NECTIN3: variants seen among roughly 807,000 people sequenced by gnomAD.
NECTIN3 encodes the protein nectin cell adhesion molecule 3, also known as nectin-3.
In NECTIN3, 8 loss-of-function variants were observed where a neutral mutation model predicts 49.4. The observed-to-expected ratio is 0.16, with a 90% CI of 0.10 to 0.29. The LOEUF (loss-of-function observed/expected upper bound fraction) is 0.29, where lower values mean the gene tolerates loss of function less well. Among genes scored for constraint, NECTIN3 ranks in the 10% least tolerant of loss-of-function variants. NECTIN3 has a pLI of 1.00. For synonymous variants in NECTIN3, 277 were observed against 241.1 expected, an observed-to-expected ratio of 1.15 and a Z score of -1.38; for missense variants, 581 against 654.6, an observed-to-expected ratio of 0.89 and a Z score of 1.23.
intron 1 of NECTIN3, among the ~76,000 whole-genome samples, chr3:111,081,507 A>T (rs2031604468): frequency 6.6e-6 from 1 of 152,192 alleles, no homozygotes; most frequent in Non-Finnish European, 1.5e-5. Flanking sequence ...AAATTGGCTA[A>T]ATAATACTTT....
intron 7 of NECTIN3, among the ~76,000 whole-genome samples, chr3:111,165,042 TTTTA>T (rs988705744): frequency 9.9e-5 from 15 of 152,156 alleles, no homozygotes; most frequent in South Asian, 6.2e-4. Context: ...TTTTTTTATT[TTTTA>T]TTTATTTATT....
chr3:111,125,387 CTTAT>C (rs958518426), intron 4 of NECTIN3, among the ~76,000 whole-genome samples: 2 of 152,024 alleles, frequency 1.3e-5, no homozygotes, highest in African/African-American at 4.8e-5. Context: ...TTTAAAAACA[CTTAT>C]TTGTTGTTTT....
intron 1 of NECTIN3, among the ~76,000 whole-genome samples, chr3:111,076,141 CTATT>C (rs1332912559): frequency 2.0e-5 from 3 of 152,074 alleles, no homozygotes; most frequent in Admixed American, 2.0e-4. Flanking sequence ...ATACTTTCAT[CTATT>C]TACAATTTAG....
intron 7 of NECTIN3, among the ~76,000 whole-genome samples, chr3:111,187,272 G>A (rs1049632745): frequency 2.6e-5 from 4 of 152,156 alleles, no homozygotes; most frequent in Non-Finnish European, 4.4e-5. Flanking sequence ...GCATGGTGGT[G>A]TGTGCCTGTA....
chr3:111,159,356 A>G (rs1169925963), intron 7 of NECTIN3, among the ~76,000 whole-genome samples: 1 of 152,204 alleles, frequency 6.6e-6, no homozygotes, highest in Non-Finnish European at 1.5e-5. Context: ...TTGGCTCACA[A>G]AAAGTGACTC....
intron 1 of NECTIN3, among the ~76,000 whole-genome samples, chr3:111,088,548 A>AT (rs960795730): frequency 6.6e-6 from 1 of 151,862 alleles, no homozygotes; most frequent in Non-Finnish European, 1.5e-5. Context: ...TGAGGATATG[A>AT]TTTTTTCCCC....
rs2034517655 is a variant in NECTIN3, at chr3:111,134,705, C to CAAA, written c.*494_*496dup. On this transcript the variant is annotated 3_prime_UTR_variant, in exon 6 of 6. Coordinates refer to ENST00000485303, the MANE Select transcript of NECTIN3 (RefSeq NM_015480.3). ...ATATTTATATATATTTTTTAATATACAAAAAATATTTAGCCTGATGGAATG... is the reference window on the plus strand; with the variant it reads ...ATATTTATATATATTTTTTAATATACAAAAAAAAATATTTAGCCTGATGGAATG... 1 of 866,780 alleles carries CAAA rather than the reference C, an allele frequency of 1.2e-6. No homozygotes were observed. The highest frequency in any genetic ancestry group is 1.4e-6 in the Non-Finnish European group (1 of 722,522). The allele number at this position is 866,780 out of a possible 1,614,324, so 53.7% of individuals were successfully genotyped here. A position where few individuals can be genotyped will look rare whatever the true frequency, so the allele number is the denominator to read the frequency against.
intron 7 of NECTIN3, among the ~76,000 whole-genome samples, chr3:111,183,577 G>C (rs2035666378): frequency 6.6e-6 from 1 of 151,998 alleles, no homozygotes. Context: ...GCCTCCCAAA[G>C]TGCTGGGATT....
At chr3:111,084,222 G>A (rs534557660) in intron 1 of NECTIN3, among the ~76,000 whole-genome samples, 2 of 151,466 alleles carry the variant, frequency 1.3e-5, no homozygotes, top group East Asian at 1.9e-4. Flanking sequence ...GTTCTTTAGC[G>A]ATATAAGTGA....
intron 7 of NECTIN3, among the ~76,000 whole-genome samples, chr3:111,166,806 T>C (rs2035327065): frequency 6.6e-6 from 1 of 152,226 alleles, no homozygotes; most frequent in Non-Finnish European, 1.5e-5. Flanking sequence ...TAGTAATCTT[T>C]CTGTTTAGAA....
intron 1 of NECTIN3, among the ~76,000 whole-genome samples, chr3:111,105,468 A>G (rs1398018172): frequency 2.6e-5 from 4 of 152,114 alleles, no homozygotes; most frequent in African/African-American, 4.8e-5. Context: ...CTACGTAGCA[A>G]TGTTTTACAT....
rs780614311 is a variant in NECTIN3 at position 111,133,777 on chromosome 3, G to C, written c.1212G>C (p.Thr404=). The C allele has an allele frequency of 4.3e-6, 7 of 1,613,920 alleles. 1 individual carries two copies. The South Asian group carries it at 4.4e-5, about 10-fold the overall frequency. The change falls in exon 6 of 6, where the codon ACG becomes ACC. Residue 404 remains threonine, a synonymous_variant. Transcript: ENST00000485303. ...CAATTAAGGATGACACAATTGCCAC[G>C]ATCATTGCTAGTGTAGTGGGTGGGG... ...LATIKDDTIA[T]IIASVVGGAL...
chr3:111,133,860 G>A lies in NECTIN3; in HGVS notation c.1295G>A (p.Arg432Gln), dbSNP rs15611. Residue 432 changes from arginine (R) to glutamine (Q), a missense_variant, in exon 6 of 6, where the codon CGG becomes CAG. This residue lies in a region of NECTIN3 where 238 missense variants were observed against 244.9 expected (regional missense o/e 0.97). Coordinates refer to ENST00000485303, the MANE Select transcript of NECTIN3 (RefSeq NM_015480.3). ...GGAATATTCTGCTATAGGAGAAGAC[G>A]GACGTTTCGTGGAGACTACTTTGCC... ...LAGIFCYRRR[R>Q]TFRGDYFAKN... 9 of 1,613,798 alleles carry A rather than the reference G, an allele frequency of 5.6e-6. No homozygotes were observed. The highest frequency in any genetic ancestry group is 4.5e-5 in the East Asian group (2 of 44,878).
Position 111,136,125 on chromosome 3 carries a change from A to G in NECTIN3, c.*1910A>G. 1 of 983,982 alleles carries G rather than the reference A, an allele frequency of 1.0e-6. No homozygotes were observed. Among genetic ancestry groups the G allele is most frequent in the Non-Finnish European group, 1.2e-6 (1 of 828,786 alleles). 61.0% of individuals were successfully genotyped at this position (983,982 alleles called of 1,614,324 possible). A position where few individuals can be genotyped will look rare whatever the true frequency, so the allele number is the denominator to read the frequency against. ...TGGGTCTAAAATTTCTCCCCATGAA[A>G]GATGTAAAACTATGGCTTTTTTTAA... On this transcript the variant is annotated 3_prime_UTR_variant, in exon 6 of 6. Coordinates refer to ENST00000485303, the MANE Select transcript of NECTIN3 (RefSeq NM_015480.3).
intron 7 of NECTIN3, among the ~76,000 whole-genome samples, chr3:111,184,099 C>G (rs2035676864): frequency 6.6e-6 from 1 of 151,738 alleles, no homozygotes; most frequent in African/African-American, 2.4e-5. Context: ...GTGATTTTTT[C>G]TTCTTCAGTG....
chr3:111,072,576 C>G, intron 1 of NECTIN3: 1 of 1,535,278 alleles, frequency 6.5e-7, no homozygotes, highest in Non-Finnish European at 8.7e-7. Flanking sequence ...GCTGTGAGCC[C>G]AGAAACCCTA....
chr3:111,080,506 T>C (rs916564568), intron 1 of NECTIN3, among the ~76,000 whole-genome samples: 1 of 152,154 alleles, frequency 6.6e-6, no homozygotes, highest in Non-Finnish European at 1.5e-5. Flanking sequence ...CTACTGTTGC[T>C]TTGCTGCCCT....
At chr3:111,139,988 A>G (rs570776770), downstream of NECTIN3, among the ~76,000 whole-genome samples, 2 of 151,990 alleles carry the variant, frequency 1.3e-5, no homozygotes, top group South Asian at 2.1e-4. Context: ...AAACTACATG[A>G]TTAAATGTTC....
intron 5 of NECTIN3, among the ~76,000 whole-genome samples, chr3:111,143,903 CA>C (rs2034811441): frequency 6.6e-6 from 1 of 151,922 alleles, no homozygotes; most frequent in Non-Finnish European, 1.5e-5. Flanking sequence ...AATATTATCT[CA>C]GTATCTTTTT....
Sources: gnomAD v4.1 joint callset for allele counts (sites outside exome capture counted in the v4.1 genomes callset) on GRCh38, gnomAD v4.1.1 for gene constraint, gnomAD v4.1.1 regional missense constraint, MANE v1.5 for transcripts, NCBI Gene and HGNC (gene_info 2026-07-23, HGNC 2026-07-21) for gene names.